The following GABRG3 variants were observed in gnomAD, a reference collection of about 807,000 sequenced individuals.
The protein encoded by GABRG3 is gamma-aminobutyric acid receptor subunit gamma-3.
GABRG3 carries 25 observed loss-of-function variants against 48.8 expected under a neutral mutation model. The observed-to-expected ratio is 0.51, with a 90% CI of 0.37 to 0.72. The LOEUF (loss-of-function observed/expected upper bound fraction) is 0.72. Ranked by LOEUF, GABRG3 falls within the 30% of genes least tolerant of loss-of-function variation. GABRG3 has a pLI of 0.00. For synonymous variants in GABRG3, 227 were observed against 217.6 expected (o/e 1.04, Z -0.38); for missense variants, 394 against 577.9 (o/e 0.68, Z 3.26).
At position 27,464,260 on chromosome 15, in the gene GABRG3, C is replaced by T. The variant is rs116169254; in HGVS notation, c.575-16390C>T. Among the ~76,000 whole-genome samples, 377 of 152,266 alleles carry T rather than the reference C, an allele frequency of 2.5e-3. 4 individuals are homozygous for T. Among genetic ancestry groups the T allele is most frequent in the African/African-American group, 8.5e-3 (355 of 41,542 alleles). Reference sequence around the variant, plus strand: ...AAACCCTGTACCCATTAAGCAGTTACTCCCTATCCCCTTCCTCCCAGTCCC... The same window carrying T: ...AAACCCTGTACCCATTAAGCAGTTATTCCCTATCCCCTTCCTCCCAGTCCC... On this transcript the variant is annotated intron_variant, in intron 5 of 9. Coordinates refer to ENST00000615808, the MANE Select transcript of GABRG3 (RefSeq NM_033223.5).
chr15:27,021,745 A>G (rs1895899573), intron 2 of GABRG3, among the ~76,000 whole-genome samples: 1 of 152,294 alleles, frequency 6.6e-6, no homozygotes. Context: ...TAGGAGGCTG[A>G]GATGAGAGGA....
chr15:26,981,720 G>A lies in GABRG3; in HGVS notation c.202+4570G>A, dbSNP rs143536811. On this transcript the variant is annotated intron_variant, in intron 2 of 9. Coordinates refer to ENST00000615808, the MANE Select transcript of GABRG3 (RefSeq NM_033223.5). ...AGGGGAAGTGGGGATTGCAGCAGAC[G>A]CACCGTCGGCAGGATGTGCCTGACC... Among the ~76,000 whole-genome samples, 27 of 152,300 alleles carry A rather than the reference G, an allele frequency of 1.8e-4. No individual in the cohort carries two copies. In the East Asian group the frequency reaches 1.9e-3, roughly 11 times the overall value.
chr15:27,065,521 G>T (rs776982046), intron 3 of GABRG3, among the ~76,000 whole-genome samples: 3 of 152,296 alleles, frequency 2.0e-5, no homozygotes, highest in East Asian at 3.9e-4. Flanking sequence ...TAGCCAGTGG[G>T]TCTCGGTTCC....
intron 3 of GABRG3, among the ~76,000 whole-genome samples, chr15:27,125,330 G>T (rs979830187): frequency 6.6e-6 from 1 of 151,926 alleles, no homozygotes; most frequent in South Asian, 2.1e-4. Flanking sequence ...GAGAATAGAG[G>T]TTATTAGAGG....
chr15:27,419,228 C>T (rs1407964863), intron 5 of GABRG3: 2 of 152,270 alleles, frequency 1.3e-5, no homozygotes, highest in Non-Finnish European at 2.9e-5. Context: ...CCTACAGTGC[C>T]CACTGGCCTT....
chr15:27,018,629 G>C (rs1209303524), intron 2 of GABRG3, among the ~76,000 whole-genome samples: 1 of 152,132 alleles, frequency 6.6e-6, no homozygotes, highest in African/African-American at 2.4e-5. Context: ...AATGGAAATG[G>C]AATTAGCTGT....
intron 9 of GABRG3, among the ~76,000 whole-genome samples, 173 bp from the exon 10 acceptor site, chr15:27,532,427 C>CAAAA (rs374534463): frequency 0.021 from 1,592 of 74,520 alleles, 65 homozygotes; most frequent in African/African-American, 0.069. Flanking sequence ...TCCTTAAAAC[C>CAAAA]AAAAAAAAAA....
intron 6 of GABRG3, among the ~76,000 whole-genome samples, chr15:27,501,186 C>T (rs766458816): frequency 7.9e-5 from 12 of 152,184 alleles, no homozygotes; most frequent in East Asian, 1.9e-4. Context: ...CTCCTGACCT[C>T]GTGATCTGCC....
intron 3 of GABRG3, among the ~76,000 whole-genome samples, chr15:27,200,843 C>T (rs577337128): frequency 7.2e-5 from 11 of 152,224 alleles, no homozygotes; most frequent in Admixed American, 6.5e-4. Flanking sequence ...GACAGAAGTC[C>T]TTATTTAAGG....
intron 6 of GABRG3, among the ~76,000 whole-genome samples, chr15:27,509,826 T>C (rs147742900): frequency 2.5e-3 from 385 of 152,358 alleles, no homozygotes; most frequent in Non-Finnish European, 2.2e-3. Context: ...ATTATTTAAA[T>C]ACCCTCTTTC....
Position 27,243,746 on chromosome 15 carries a change from T to C in GABRG3, c.271-83063T>C, listed in dbSNP as rs188661751. ...TTTGTTAATACCAATTCAACATCAG[T>C]TAATACTAATAAGGTTTAAAGGGCC... is the stretch of plus-strand genomic sequence containing the variant. On this transcript the variant is annotated intron_variant, in intron 3 of 9. Coordinates refer to ENST00000615808, the MANE Select transcript of GABRG3 (RefSeq NM_033223.5). Among the ~76,000 whole-genome samples, 90 of 152,278 alleles carry C rather than the reference T, an allele frequency of 5.9e-4. 1 individual carries two copies. Among genetic ancestry groups the C allele is most frequent in the African/African-American group, 1.6e-3 (67 of 41,560 alleles).
intron 3 of GABRG3, among the ~76,000 whole-genome samples, chr15:27,191,784 A>T (rs1888317209): frequency 6.6e-6 from 1 of 151,662 alleles, no homozygotes. Context: ...TTAGCTGGTT[A>T]TCTTGCTCGC....
chr15:27,490,919 C>G (rs1227644570), intron 6 of GABRG3, among the ~76,000 whole-genome samples: 8 of 148,016 alleles, frequency 5.4e-5, no homozygotes, highest in South Asian at 2.2e-4. Context: ...TCACACTGCT[C>G]TTGCCGCATT....
chr15:26,985,650 C>G (rs1347210039), intron 2 of GABRG3, among the ~76,000 whole-genome samples: 6 of 151,992 alleles, frequency 3.9e-5, no homozygotes, highest in Non-Finnish European at 5.9e-5. Context: ...CGAAGCCCCC[C>G]ACTTGCATTT....
chr15:27,000,832 A>T (rs1273496815), intron 2 of GABRG3, among the ~76,000 whole-genome samples: 1 of 152,200 alleles, frequency 6.6e-6, no homozygotes, highest in African/African-American at 2.4e-5. Context: ...TTCTTCATAA[A>T]TTGTCCAGTC....
At chr15:27,286,487 G>T (rs773579175) in intron 3 of GABRG3, among the ~76,000 whole-genome samples, 1 of 152,154 alleles carries the variant, frequency 6.6e-6, no homozygotes, top group African/African-American at 2.4e-5. Context: ...AAAGGAAGTC[G>T]GTCAAATGTG....
At chr15:27,210,290 C>G (rs1889031803) in intron 3 of GABRG3, among the ~76,000 whole-genome samples, 1 of 152,216 alleles carries the variant, frequency 6.6e-6, no homozygotes, top group South Asian at 2.1e-4. Context: ...AGACCACATG[C>G]ACAGTCTCTG....
intron 3 of GABRG3, among the ~76,000 whole-genome samples, chr15:27,245,468 A>G (rs1890241376): frequency 6.6e-6 from 1 of 152,208 alleles, no homozygotes; most frequent in Non-Finnish European, 1.5e-5. Context: ...TCATTTAGCT[A>G]AAAATTAGAT....
chr15:27,214,041 T>C (rs986859360), intron 3 of GABRG3, among the ~76,000 whole-genome samples: 47 of 152,228 alleles, frequency 3.1e-4, no homozygotes, highest in Admixed American at 1.4e-3. Context: ...TCACAGACTT[T>C]GGCTTCGCTA....
Sources: allele counts gnomAD v4.1 joint callset (sites outside exome capture counted in the v4.1 genomes callset), GRCh38; gene constraint gnomAD v4.1.1; transcripts MANE v1.5; gene names NCBI Gene and HGNC (gene_info 2026-07-23, HGNC 2026-07-21).